EPHA1: variants seen among roughly 807,000 people sequenced by gnomAD.
The protein encoded by EPHA1 is EPH receptor A1, also known as ephrin type-A receptor 1.
Under a neutral mutation model 110.1 loss-of-function variants are expected in EPHA1, and 92 were observed. That is an observed-to-expected ratio of 0.84 (90% CI 0.71 to 0.99). The LOEUF is 0.99. Among genes scored for constraint, EPHA1 ranks in the 50% least tolerant of loss-of-function variants. The pLI is 0.00. For missense variants in EPHA1, 1,204 were observed against 1,285.4 expected (o/e 0.94, Z 0.97); for synonymous variants, 500 against 516.1 (o/e 0.97, Z 0.42).
intron 16 of EPHA1, among the ~76,000 whole-genome samples, chr7:143,392,885 T>A (rs1805130343): frequency 6.6e-6 from 1 of 151,840 alleles, no homozygotes. Flanking sequence ...GAGGCTGCAG[T>A]GAGCTGAGAT....
chr7:143,399,529 C>T (rs1334831508), intron 4 of EPHA1, 116 bp from the exon 5 acceptor site: 13 of 1,553,022 alleles, frequency 8.4e-6, no homozygotes, highest in East Asian at 4.5e-5. Flanking sequence ...TGTGTGTGTC[C>T]GCTGCTCTGG....
At position 143,397,438 on chromosome 7, in the gene EPHA1, C is replaced by T. The variant is rs1263233414; in HGVS notation, c.1713-76G>A. On this transcript the variant is annotated intron_variant, in intron 9 of 17. Coordinates refer to ENST00000275815, the MANE Select transcript of EPHA1 (RefSeq NM_005232.5). Reference sequence around the variant, plus strand: ...GTCCGAGGGACTCTGGCTGAATCTTCCCCAGAAACGGGCTGGGAGTGCAGG... The same window carrying T: ...GTCCGAGGGACTCTGGCTGAATCTTTCCCAGAAACGGGCTGGGAGTGCAGG... The T allele has an allele frequency of 5.7e-6, 9 of 1,572,096 alleles. No individual in the cohort carries two copies. The African/African-American group carries it at 1.1e-4, about 19-fold the overall frequency.
chr7:143,401,342 T>C lies in EPHA1; in HGVS notation c.414A>G (p.Arg138=), dbSNP rs1805408548. ...ESDQDVGIQL[R]RPLFQKVTTV... Reference sequence around the variant, plus strand: ...GCAGCACCTTCTGGAACAAGGGCCGTCGGAGCTGAATGCCCACATCCTGGT... The same window carrying C: ...GCAGCACCTTCTGGAACAAGGGCCGCCGGAGCTGAATGCCCACATCCTGGT... The change falls in exon 3 of 18, where the codon CGA becomes CGG. Residue 138 remains arginine (R), a synonymous_variant. Transcript: ENST00000275815. The surrounding 1 kb of genome is among the most constrained non-coding windows in gnomAD (Gnocchi z 4.1). 6.2e-7 allele frequency: 1 copy of C among 1,613,742 alleles called. No homozygotes were observed. The highest frequency in any genetic ancestry group is 1.3e-5 in the African/African-American group (1 of 74,892).
At position 143,399,919 on chromosome 7, in the gene EPHA1, A is replaced by G. The variant is rs1805372248; in HGVS notation, c.567T>C (p.Gly189=). 2 of 1,613,100 alleles carry G rather than the reference A, an allele frequency of 1.2e-6. No homozygotes were observed. The highest frequency in any genetic ancestry group is 1.7e-6 in the Non-Finnish European group (2 of 1,179,562). The change falls in exon 4 of 18, where the codon GGT becomes GGC. Residue 189 remains glycine (G), a synonymous_variant. Coordinates refer to ENST00000275815, the MANE Select transcript of EPHA1 (RefSeq NM_005232.5). ...GGACAGACACCAGGGCCACACAGGC[A>G]CCCGGGTTGTGGAAAGCGAGGTAGA... The part of the protein sequence containing the change: ...RGLYLAFHNP[G]ACVALVSVRV...
At chr7:143,391,798 T>C in intron 16 of EPHA1, 23 bp from the exon 17 acceptor site, 1 of 1,612,190 alleles carries the variant, frequency 6.2e-7, no homozygotes, top group Non-Finnish European at 8.5e-7. Context: ...GGCATGTCAG[T>C]CACAGCGGGT....
chr7:143,401,246 T>C lies in EPHA1; in HGVS notation c.432+78A>G. Reference sequence around the variant, plus strand: ...TACCTCTGCACCCTCTTCCTGTCTCTGCAACCTTCTCTGGCACCCAATAAG... The same window carrying C: ...TACCTCTGCACCCTCTTCCTGTCTCCGCAACCTTCTCTGGCACCCAATAAG... On this transcript the variant is annotated intron_variant, in intron 3 of 17. Transcript: ENST00000275815. This position sits in a 1 kb window ranked among gnomAD's most constrained non-coding sequence, Gnocchi z 4.1. The C allele has an allele frequency of 6.5e-7, 1 of 1,547,548 alleles. No individual in the cohort carries two copies. Among genetic ancestry groups the C allele is most frequent in the East Asian group, 2.3e-5 (1 of 44,384 alleles).
At chr7:143,394,068 G>T in intron 15 of EPHA1, 126 bp downstream of exon 15, 1 of 1,349,182 alleles carries the variant, frequency 7.4e-7, no homozygotes, top group Non-Finnish European at 1.0e-6. Flanking sequence ...GAGGAGCCAG[G>T]AGTACAGAAA....
chr7:143,401,196 A>C lies in EPHA1; in HGVS notation c.432+128T>G. On this transcript the variant is annotated intron_variant, in intron 3 of 17. Transcript: ENST00000275815. The surrounding 1 kb of genome is among the most constrained non-coding windows in gnomAD (Gnocchi z 4.1). ...GCACAAGCCACCATGCCCAGCCTTC[A>C]AGCGCCAAATTCTTTTCAAGATTCT... The C allele has an allele frequency of 1.6e-6, 2 of 1,260,404 alleles. No homozygotes were observed. The highest frequency in any genetic ancestry group is 2.2e-6 in the Non-Finnish European group (2 of 916,938). 78.1% of individuals were successfully genotyped at this position (1,260,404 alleles called of 1,614,324 possible).
chr7:143,398,164 G>A lies in EPHA1; in HGVS notation c.1465-94C>T, dbSNP rs1805311796. On this transcript the variant is annotated intron_variant, in intron 7 of 17. Coordinates refer to ENST00000275815, the MANE Select transcript of EPHA1 (RefSeq NM_005232.5). The stretch of plus-strand genomic sequence containing the variant: ...AGAGCACATGGGGAGGGGCTGGAGA[G>A]CAGAATGGTTAGGACAGGGTTCTTC... 1.2e-5 allele frequency: 19 copies of A among 1,581,358 alleles called. No homozygotes were observed. In the South Asian group the frequency reaches 2.2e-4, roughly 18 times the overall value.
chr7:143,401,107 G>A lies in EPHA1; in HGVS notation c.432+217C>T. 1 of 619,562 alleles carries A rather than the reference G, an allele frequency of 1.6e-6. No homozygotes were observed. Among genetic ancestry groups the A allele is most frequent in the South Asian group, 2.1e-5 (1 of 48,762 alleles). The allele number at this position is 619,562 out of a possible 1,614,324, so 38.4% of individuals were successfully genotyped here. On this transcript the variant is annotated intron_variant, in intron 3 of 17. Coordinates refer to ENST00000275815, the MANE Select transcript of EPHA1 (RefSeq NM_005232.5). This position sits in a 1 kb window ranked among gnomAD's most constrained non-coding sequence, Gnocchi z 4.1. ...GAAGTTTTGCTATGTTGCCCAGGCT[G>A]GTCTCAAGCTCCTGGCCTCAAGTGA...
In EPHA1 at chr7:143,408,817, G is replaced by C. The variant is rs1163479646; in HGVS notation, c.-12C>G. The C allele has an allele frequency of 4.1e-6, 5 of 1,205,738 alleles. No homozygotes were observed. The highest frequency in any genetic ancestry group is 5.1e-6 in the Non-Finnish European group (5 of 972,462). 74.7% of individuals were successfully genotyped at this position (1,205,738 alleles called of 1,614,324 possible). On this transcript the variant is annotated 5_prime_UTR_variant, in exon 1 of 18. Transcript: ENST00000275815. ...CAGCGCCGCTCCATAGCTCCGGGCC[G>C]GGACCTGGGACAGTGGCCCGGATGG...
At position 143,398,906 on chromosome 7, in the gene EPHA1, G is replaced by C; in HGVS notation, c.1031C>G (p.Ser344Ter). ...SAPRNLSFSASGTQLSLRWEP... is the reference protein window; with the variant it reads ...SAPRNLSFSA ...CCAACGCAGGGAGAGCTGAGTCCCT[G>C]AGGCAGAGAAGCTCAGGTTTCGGGG... is the stretch of plus-strand genomic sequence containing the variant. Residue 344 changes from serine (S) to a stop codon, truncating the protein, a stop_gained, in exon 6 of 18, where the codon TCA (serine) becomes TGA (stop). Coordinates refer to ENST00000275815, the MANE Select transcript of EPHA1 (RefSeq NM_005232.5). LOFTEE classifies it high-confidence loss of function. 6.2e-7 allele frequency: 1 copy of C among 1,612,892 alleles called. No homozygotes were observed. Among genetic ancestry groups the C allele is most frequent in the South Asian group, 1.1e-5 (1 of 91,012 alleles).
At position 143,399,440 on chromosome 7, in the gene EPHA1, G is replaced by GGTTC. The variant is rs556069918; in HGVS notation, c.836-31_836-28dup. 22 of 1,555,270 alleles carry GGTTC rather than the reference G, an allele frequency of 1.4e-5. No homozygotes were observed. The East Asian group carries it at 4.1e-4, about 29-fold the overall frequency. ...TGGAGAGAGAACGCAGCAGAGCAGT[G>GGTTC]GTTCTGTAAATGTTTTTACAGGCAG... On this transcript the variant is annotated intron_variant, in intron 4 of 17. Coordinates refer to ENST00000275815, the MANE Select transcript of EPHA1 (RefSeq NM_005232.5).
At chr7:143,398,573 C>T in intron 6 of EPHA1, 28 bp downstream of exon 6, 5 of 1,608,194 alleles carry the variant, frequency 3.1e-6, no homozygotes, top group Non-Finnish European at 4.3e-6. Flanking sequence ...CCACCAGGTC[C>T]CTGTCCCAGC....
In EPHA1 at chr7:143,399,285, C is replaced by T. The variant is rs1028814084; in HGVS notation, c.964G>A (p.Gly322Arg). 5.0e-6 allele frequency: 8 copies of T among 1,611,804 alleles called. No individual in the cohort carries two copies. Among genetic ancestry groups the T allele is most frequent in the African/African-American group, 2.7e-5 (2 of 74,858 alleles). The change falls in exon 5 of 18, where the codon GGG (glycine) becomes AGG (arginine). Residue 322 changes from glycine to arginine, a missense_variant. Gly to Arg is a moderately radical substitution (Grantham distance 125). Coordinates refer to ENST00000275815, the MANE Select transcript of EPHA1 (RefSeq NM_005232.5). ...GTGCATGCCACCTGGGGGCCCTCCC[C>T]GGGAGCTCTGTAATGGCCGCTCTCA... ...TCESGHYRAP[G>R]EGPQVACTGP... is the part of the protein sequence containing the mutation.
rs775349109 is a variant in EPHA1 at position 143,397,546 on chromosome 7, G to A, written c.1712+15C>T. The A allele has an allele frequency of 3.2e-5, 51 of 1,613,030 alleles. No individual in the cohort carries two copies. The highest frequency in any genetic ancestry group is 9.9e-5 in the South Asian group (9 of 91,056). On this transcript the variant is annotated intron_variant, in intron 9 of 17. Transcript: ENST00000275815. ...ACCCAGGGCTGGTGGTTGGGGAGGG[G>A]GCAGGAGCTGGCACCTGGACCGGAA...
intron 6 of EPHA1, 59 bp downstream of exon 6, chr7:143,398,542 T>C (rs1805324755): frequency 3.1e-6 from 5 of 1,607,326 alleles, no homozygotes; most frequent in Non-Finnish European, 3.4e-6. Context: ...GTTTGTTCTG[T>C]GGTCTTAAGC....
At chr7:143,406,861 C>G (rs1805565024) in intron 2 of EPHA1, among the ~76,000 whole-genome samples, 1 of 152,178 alleles carries the variant, frequency 6.6e-6, no homozygotes, top group South Asian at 2.1e-4. Context: ...AAGAGCTGCT[C>G]TCTGCATTTG....
intron 2 of EPHA1, among the ~76,000 whole-genome samples, chr7:143,406,690 A>G (rs1805560078): frequency 6.6e-6 from 1 of 152,190 alleles, no homozygotes; most frequent in Non-Finnish European, 1.5e-5. Context: ...ACTGAATAAG[A>G]TTAGAGGACA....
Sources: allele counts gnomAD v4.1 joint callset (sites outside exome capture counted in the v4.1 genomes callset), GRCh38; gene constraint gnomAD v4.1.1; non-coding constraint Gnocchi (gnomAD v3.1); transcripts MANE v1.5; gene names NCBI Gene and HGNC (gene_info 2026-07-23, HGNC 2026-07-21).